Variants in LIMS4 observed in about 807,000 individuals in gnomAD.
The protein encoded by LIMS4 is LIM zinc finger domain containing 4.
At chr2:110,385,210 C>A in the LIMS4 span, among the ~76,000 whole-genome samples, 1 of 150,252 alleles carries the variant, frequency 6.7e-6, no homozygotes, top group Admixed American at 6.6e-5. Context: ...GGGGCCTAAA[C>A]AAACAAACAA....
chr2:110,373,635 A>C, the LIMS4 span, among the ~76,000 whole-genome samples: 3 of 151,494 alleles, frequency 2.0e-5, no homozygotes, highest in African/African-American at 7.4e-5. Context: ...CAGAGAAGTA[A>C]GGTGACTCTC....
the LIMS4 span, among the ~76,000 whole-genome samples, chr2:110,367,764 T>C: frequency 6.9e-6 from 1 of 144,802 alleles, no homozygotes; most frequent in Non-Finnish European, 1.5e-5. Context: ...GTGCCTGTGG[T>C]CCCAGCTATT....
chr2:110,368,892 G>GTT, the LIMS4 span, among the ~76,000 whole-genome samples: 84 of 135,112 alleles, frequency 6.2e-4, 3 homozygotes, highest in African/African-American at 1.9e-3. Context: ...GTATGTAAAG[G>GTT]TTTTTTTTTT....
chr2:110,363,908 G>A, the LIMS4 span, among the ~76,000 whole-genome samples: 2 of 151,752 alleles, frequency 1.3e-5, no homozygotes, highest in East Asian at 1.9e-4. Flanking sequence ...TGTAATCCTA[G>A]CACTTCAGGA....
At chr2:110,361,022 T>A in the LIMS4 span, 6 of 1,549,072 alleles carry the variant, frequency 3.9e-6, no homozygotes, top group African/African-American at 1.6e-5. Context: ...CAGCTTTGGT[T>A]GAGTGATTGC....
At chr2:110,368,871 C>A in the LIMS4 span, among the ~76,000 whole-genome samples, 1 of 144,800 alleles carries the variant, frequency 6.9e-6, no homozygotes, top group Admixed American at 7.0e-5. Context: ...ATAAACTCTG[C>A]TAAATTTAAT....
the LIMS4 span, among the ~76,000 whole-genome samples, chr2:110,385,199 T>A: frequency 2.0e-5 from 3 of 150,858 alleles, no homozygotes; most frequent in East Asian, 5.8e-4. Flanking sequence ...ACAGCCCCCA[T>A]GGGGCCTAAA....
chr2:110,424,590 C>A, the LIMS4 span, among the ~76,000 whole-genome samples: 1 of 144,902 alleles, frequency 6.9e-6, no homozygotes, highest in African/African-American at 2.7e-5. Context: ...GGGACTGTGA[C>A]AATCCCTGTC....
chr2:110,391,010 AG>A, the LIMS4 span, among the ~76,000 whole-genome samples: 4 of 152,170 alleles, frequency 2.6e-5, no homozygotes, highest in African/African-American at 7.2e-5. Context: ...CAGAATGACA[AG>A]GGGGAGCCAG....
downstream of LIMS4, among the ~76,000 whole-genome samples, chr2:110,443,047 CT>C (rs1229391555): frequency 9.4e-5 from 11 of 117,138 alleles, no homozygotes; most frequent in South Asian, 3.0e-4. Context: ...TATGCTGATG[CT>C]TTTTTTTTTC....
chr2:110,369,687 TACA>T, the LIMS4 span, among the ~76,000 whole-genome samples: 1 of 46,626 alleles, frequency 2.1e-5, no homozygotes, highest in African/African-American at 1.2e-4. Flanking sequence ...TCTTCCCAGT[TACA>T]ACAACTGCAG....
chr2:110,411,382 T>A, the LIMS4 span, among the ~76,000 whole-genome samples: 5 of 142,158 alleles, frequency 3.5e-5, no homozygotes, highest in Non-Finnish European at 4.5e-5. Context: ...TTTTTTTTTT[T>A]AATGAACACA....
chr2:110,367,646 G>A, the LIMS4 span, among the ~76,000 whole-genome samples: 1 of 145,362 alleles, frequency 6.9e-6, no homozygotes, highest in Non-Finnish European at 1.5e-5. Flanking sequence ...GGAGGCCAAG[G>A]CAGGTGGATC....
At chr2:110,366,826 AAAC>A in the LIMS4 span, among the ~76,000 whole-genome samples, 1 of 151,266 alleles carries the variant, frequency 6.6e-6, no homozygotes, top group Admixed American at 6.6e-5. Flanking sequence ...TAGATCTAAT[AAAC>A]AACTTCAGCA....
the LIMS4 span, chr2:110,386,842 G>C: frequency 1.5e-6 from 1 of 686,046 alleles, no homozygotes; most frequent in Non-Finnish European, 2.6e-6. Context: ...GGGCGATGCA[G>C]CCCAGCTGCA....
chr2:110,442,675 A>G (rs1456774591), downstream of LIMS4, among the ~76,000 whole-genome samples: 2 of 151,482 alleles, frequency 1.3e-5, no homozygotes, highest in East Asian at 1.9e-4. Context: ...ATATATATAT[A>G]TATGTGTATA....
chr2:110,367,160 C>A, the LIMS4 span, among the ~76,000 whole-genome samples: 1 of 150,664 alleles, frequency 6.6e-6, no homozygotes, highest in Non-Finnish European at 1.5e-5. Flanking sequence ...CAAAAGCAAT[C>A]TCTAGATTCA....
chr2:110,367,441 T>C, the LIMS4 span, among the ~76,000 whole-genome samples: 1 of 142,942 alleles, frequency 7.0e-6, no homozygotes, highest in South Asian at 2.2e-4. Flanking sequence ...TACAACTAAC[T>C]GATCTTTGGC....
chr2:110,419,659 A>C, the LIMS4 span, among the ~76,000 whole-genome samples: 5 of 39,834 alleles, frequency 1.3e-4, no homozygotes, highest in Non-Finnish European at 1.6e-4. Flanking sequence ...ACAACAACAA[A>C]AAAAAAAAAA....
Sources: allele counts gnomAD v4.1 joint callset (sites outside exome capture counted in the v4.1 genomes callset), GRCh38; gene constraint gnomAD v4.1.1; transcripts MANE v1.5; gene names NCBI Gene and HGNC (gene_info 2026-07-23, HGNC 2026-07-21).